The following MEGF11 variants were observed in gnomAD, a reference collection of about 807,000 sequenced individuals.
MEGF11 encodes multiple EGF like domains 11.
In MEGF11, 126 loss-of-function variants were observed where a neutral mutation model predicts 146.6. That is an observed-to-expected ratio of 0.86 (90% CI 0.74 to 1.00). The LOEUF is 1.00. Among genes scored for constraint, MEGF11 ranks in the 50% least tolerant of loss-of-function variants. MEGF11 has a pLI of 0.00. For missense variants in MEGF11, 1,509 were observed against 1,521.2 expected, an observed-to-expected ratio of 0.99 and a Z score of 0.13; for synonymous variants, 532 against 583.4, an observed-to-expected ratio of 0.91 and a Z score of 1.27.
At chr15:66,166,002 C>T (rs28431340) in intron 1 of MEGF11, among the ~76,000 whole-genome samples, 1,938 of 152,272 alleles carry the variant, frequency 0.013, 37 homozygotes, top group African/African-American at 0.044. Flanking sequence ...CAGCTATACA[C>T]ATATCCCCCA....
intron 1 of MEGF11, among the ~76,000 whole-genome samples, chr15:66,139,734 G>A (rs1157450134): frequency 1.3e-5 from 2 of 152,166 alleles, no homozygotes; most frequent in Non-Finnish European, 1.5e-5. Context: ...TTTGTCTGGG[G>A]GCATGTACGC....
At chr15:66,211,348 C>T (rs956166289) in intron 1 of MEGF11, among the ~76,000 whole-genome samples, 3 of 151,922 alleles carry the variant, frequency 2.0e-5, no homozygotes, top group African/African-American at 7.3e-5. Context: ...ACGGTGAAAC[C>T]CCGTCTCTAC....
intron 1 of MEGF11, among the ~76,000 whole-genome samples, chr15:66,239,453 A>G (rs763232601): frequency 1.2e-4 from 19 of 152,308 alleles, no homozygotes; most frequent in Non-Finnish European, 2.2e-4. Context: ...AGACTCCAGC[A>G]CCTGGCCCCA....
intron 12 of MEGF11, among the ~76,000 whole-genome samples, chr15:65,929,034 A>G (rs1395375489): frequency 6.6e-6 from 1 of 152,200 alleles, no homozygotes; most frequent in Non-Finnish European, 1.5e-5. Flanking sequence ...CAGCAATTCC[A>G]TGATATGATT....
intron 5 of MEGF11, among the ~76,000 whole-genome samples, chr15:65,992,441 G>A (rs949388121): frequency 2.4e-5 from 1 of 41,192 alleles, no homozygotes; most frequent in Non-Finnish European, 6.6e-5. Context: ...GTGCCTCTGT[G>A]TGTGTGTGTG....
At chr15:66,014,515 C>T (rs1034828196) in intron 5 of MEGF11, among the ~76,000 whole-genome samples, 1 of 152,178 alleles carries the variant, frequency 6.6e-6, no homozygotes, top group Non-Finnish European at 1.5e-5. Context: ...AGCCAGAAAG[C>T]CTCAGAAAGA....
intron 5 of MEGF11, among the ~76,000 whole-genome samples, chr15:66,013,764 A>G (rs759025427): frequency 1.3e-5 from 2 of 152,240 alleles, no homozygotes; most frequent in African/African-American, 2.4e-5. Context: ...ACACCACATC[A>G]GTAAAGAGAA....
rs116552059 is a variant in MEGF11, at chr15:66,173,571, T to G, written c.-8-45160A>C. Among the ~76,000 whole-genome samples, 465 of 152,216 alleles carry G rather than the reference T, an allele frequency of 3.1e-3. 3 individuals are homozygous for G. Among genetic ancestry groups the G allele is most frequent in the African/African-American group, 0.01 (435 of 41,532 alleles). Reference sequence around the variant, plus strand: ...ACCTCAGGTGATCCACTTGCCTTAATCTCCCAAAGTGTGGCATTACAGGTG... The same window carrying G: ...ACCTCAGGTGATCCACTTGCCTTAAGCTCCCAAAGTGTGGCATTACAGGTG... On this transcript the variant is annotated intron_variant, in intron 1 of 25. Coordinates refer to ENST00000395614, the MANE Select transcript of MEGF11 (RefSeq NM_001385028.1).
At chr15:66,115,460 C>G (rs1204553947) in intron 4 of MEGF11, among the ~76,000 whole-genome samples, 2 of 152,242 alleles carry the variant, frequency 1.3e-5, no homozygotes, top group Non-Finnish European at 2.9e-5. Context: ...GGTGCCCCCT[C>G]CCTTTCCTCC....
At chr15:65,936,385 C>T (rs2079789125) in intron 10 of MEGF11, among the ~76,000 whole-genome samples, 1 of 152,168 alleles carries the variant, frequency 6.6e-6, no homozygotes, top group South Asian at 2.1e-4. Context: ...CCTGCTGGTA[C>T]ATAATGGATC....
At chr15:66,249,018 G>A (rs912927733) in intron 1 of MEGF11, among the ~76,000 whole-genome samples, 1 of 152,272 alleles carries the variant, frequency 6.6e-6, no homozygotes, top group Non-Finnish European at 1.5e-5. Flanking sequence ...TAACACATTG[G>A]GGATAAAGTG....
chr15:66,132,013 T>A (rs1336516318), intron 1 of MEGF11, among the ~76,000 whole-genome samples: 1 of 152,210 alleles, frequency 6.6e-6, no homozygotes, highest in Non-Finnish European at 1.5e-5. Flanking sequence ...CTCTTATGCC[T>A]GGCACCTGGT....
intron 1 of MEGF11, among the ~76,000 whole-genome samples, chr15:66,139,730 T>TG (rs1425918609): frequency 2.6e-5 from 4 of 152,186 alleles, no homozygotes; most frequent in African/African-American, 9.7e-5. Context: ...CTGTTTTGTC[T>TG]GGGGGCATGT....
At chr15:66,061,206 G>T (rs1314797402) in intron 5 of MEGF11, among the ~76,000 whole-genome samples, 1 of 152,208 alleles carries the variant, frequency 6.6e-6, no homozygotes, top group Admixed American at 6.5e-5. Flanking sequence ...GGTAAGTCCC[G>T]ACTCTGATCA....
chr15:65,924,362 TGGGGTGTGGGTG>T (rs967299780), intron 13 of MEGF11, among the ~76,000 whole-genome samples: 7 of 4,068 alleles, frequency 1.7e-3, no homozygotes, highest in South Asian at 6.3e-3. Flanking sequence ...GGTGGGTAGG[TGGGGTGTGGGTG>T]GGGGGGGGGG....
intron 1 of MEGF11, among the ~76,000 whole-genome samples, chr15:66,140,518 T>A (rs1349261656): frequency 6.6e-6 from 1 of 152,138 alleles, no homozygotes; most frequent in Non-Finnish European, 1.5e-5. Flanking sequence ...TCACCCTATG[T>A]AGAAGGCAGG....
intron 5 of MEGF11, among the ~76,000 whole-genome samples, chr15:66,052,562 G>A (rs2084495884): frequency 6.6e-6 from 1 of 152,188 alleles, no homozygotes; most frequent in African/African-American, 2.4e-5. Context: ...AGGCCTGCCT[G>A]TTCTTCAAAG....
chr15:66,021,745 G>A (rs1177877909), intron 5 of MEGF11, among the ~76,000 whole-genome samples: 2 of 152,196 alleles, frequency 1.3e-5, no homozygotes, highest in African/African-American at 4.8e-5. Context: ...GACCCAGTTA[G>A]GCTGGTGTGA....
intron 1 of MEGF11, among the ~76,000 whole-genome samples, chr15:66,236,573 T>C (rs1031508927): frequency 5.3e-5 from 8 of 152,140 alleles, no homozygotes; most frequent in African/African-American, 1.9e-4. Flanking sequence ...GGATAAAGTC[T>C]GGATGGGACA....
Sources: allele counts gnomAD v4.1 joint callset (sites outside exome capture counted in the v4.1 genomes callset), GRCh38; gene constraint gnomAD v4.1.1; transcripts MANE v1.5; gene names NCBI Gene and HGNC (gene_info 2026-07-23, HGNC 2026-07-21).